SPATA6L: variants seen among roughly 807,000 people sequenced by gnomAD.
SPATA6L encodes the protein spermatogenesis associated 6-like protein.
Under a neutral mutation model 49.2 loss-of-function variants are expected in SPATA6L, and 68 were observed. The observed-to-expected ratio is 1.38, with a 90% CI of 1.14 to 1.69. SPATA6L has a LOEUF of 1.69. Among genes scored for constraint, SPATA6L ranks in the 40% most tolerant of loss-of-function variants. The pLI, the probability that SPATA6L is intolerant of heterozygous loss-of-function variation, is 0.00. For synonymous variants in SPATA6L, 198 were observed against 165.7 expected (o/e 1.19, Z -1.50); for missense variants, 668 against 464.3 (o/e 1.44, Z -4.03).
At chr9:4,618,221 T>C in intron 8 of SPATA6L, 111 bp from the exon 9 acceptor site, 1 of 874,172 alleles carries the variant, frequency 1.1e-6, no homozygotes, top group South Asian at 1.9e-5. Context: ...TGACAGAATA[T>C]TTGCCCCAGG....
chr9:4,627,565 C>A, intron 5 of SPATA6L: 1 of 378,970 alleles, frequency 2.6e-6, no homozygotes, highest in African/African-American at 2.1e-5. Flanking sequence ...TTTGGAGAAG[C>A]TTCACAAACT....
intron 9 of SPATA6L, among the ~76,000 whole-genome samples, chr9:4,607,554 A>T (rs1825604391): frequency 6.6e-6 from 1 of 152,208 alleles, no homozygotes; most frequent in Non-Finnish European, 1.5e-5. Flanking sequence ...AAGCTTCATA[A>T]GTGAAGGAGA....
intron 3 of SPATA6L, among the ~76,000 whole-genome samples, chr9:4,654,547 C>CG (rs1837659572): frequency 6.6e-6 from 1 of 152,192 alleles, no homozygotes; most frequent in African/African-American, 2.4e-5. Context: ...TCTGTACCCC[C>CG]GGGTTTCTTG....
chr9:4,622,369 C>T (rs1829521526), intron 7 of SPATA6L, 39 bp downstream of exon 7: 2 of 1,254,576 alleles, frequency 1.6e-6, no homozygotes, highest in Non-Finnish European at 2.3e-6. Flanking sequence ...CATTTGTTGC[C>T]ATAGGGAAAT....
chr9:4,621,688 A>T (rs1254148385), intron 7 of SPATA6L, among the ~76,000 whole-genome samples: 3 of 152,198 alleles, frequency 2.0e-5, no homozygotes, highest in Admixed American at 6.5e-5. Context: ...GGGTTTCTCT[A>T]TGTTGGTCAG....
At position 4,618,851 on chromosome 9, in the gene SPATA6L, C is replaced by T. The variant is rs766616737; in HGVS notation, c.807+13G>A. 26 of 1,608,832 alleles carry T rather than the reference C, an allele frequency of 1.6e-5. No homozygotes were observed. In the Admixed American group the frequency reaches 3.9e-4, roughly 24 times the overall value. ...GAAGTAAATCATTTTACAAATTCTACTTCTAAAATTACCTTTACGTTAGCT... is the reference window on the plus strand; with the variant it reads ...GAAGTAAATCATTTTACAAATTCTATTTCTAAAATTACCTTTACGTTAGCT... On this transcript the variant is annotated intron_variant, in intron 8 of 11. Transcript: ENST00000682582.
intron 6 of SPATA6L, 189 bp downstream of exon 6, chr9:4,625,138 G>A (rs149561012): frequency 4.7e-6 from 5 of 1,065,420 alleles, no homozygotes; most frequent in African/African-American, 3.2e-5. Context: ...CCTGTATAAG[G>A]TACCTTTCTA....
intron 3 of SPATA6L, among the ~76,000 whole-genome samples, chr9:4,639,259 T>C (rs1054661420): frequency 6.6e-6 from 1 of 152,156 alleles, no homozygotes; most frequent in African/African-American, 2.4e-5. Context: ...CCTAGATGCA[T>C]GATATGATGT....
chr9:4,653,058 T>A (rs73395703), intron 3 of SPATA6L, among the ~76,000 whole-genome samples: 1 of 152,108 alleles, frequency 6.6e-6, no homozygotes, highest in Admixed American at 6.5e-5. Context: ...ACCAAAATAG[T>A]AGTCTTGAAA....
chr9:4,604,138 A>T (rs144046909), intron 11 of SPATA6L, 41 bp downstream of exon 11: 41 of 1,340,668 alleles, frequency 3.1e-5, no homozygotes, highest in Middle Eastern at 3.8e-4. Context: ...AAACCAAGAT[A>T]AGGAGAAGCA....
chr9:4,607,277 T>A (rs1163777776), intron 9 of SPATA6L, among the ~76,000 whole-genome samples: 2 of 151,934 alleles, frequency 1.3e-5, no homozygotes, highest in Non-Finnish European at 2.9e-5. Flanking sequence ...ACATTCAGAT[T>A]CAGGAAATAC....
At chr9:4,606,623 C>A (rs1198102423) in intron 9 of SPATA6L, among the ~76,000 whole-genome samples, 1 of 47,386 alleles carries the variant, frequency 2.1e-5, no homozygotes, top group Non-Finnish European at 4.7e-5. Context: ...GAAAGGACAT[C>A]CACACCAAAA....
At chr9:4,660,869 G>C (rs545188644) in intron 2 of SPATA6L, among the ~76,000 whole-genome samples, 8 of 152,294 alleles carry the variant, frequency 5.3e-5, no homozygotes, top group Admixed American at 1.3e-4. Flanking sequence ...GGATGAGTTC[G>C]TGTCCTTTGT....
At chr9:4,656,832 T>C (rs950987611) in intron 2 of SPATA6L, among the ~76,000 whole-genome samples, 1 of 152,218 alleles carries the variant, frequency 6.6e-6, no homozygotes, top group African/African-American at 2.4e-5. Context: ...AAATGTTAAC[T>C]GAATGAATGG....
intron 3 of SPATA6L, among the ~76,000 whole-genome samples, chr9:4,655,797 C>T (rs577565113): frequency 3.5e-4 from 54 of 152,198 alleles, no homozygotes; most frequent in Admixed American, 9.2e-4. Flanking sequence ...GGGATTCACC[C>T]GCCTCGGCCT....
intron 3 of SPATA6L, among the ~76,000 whole-genome samples, chr9:4,644,183 C>CAAAAAAAAAAAAAA (rs58325546): frequency 2.2e-5 from 1 of 45,668 alleles, no homozygotes; most frequent in African/African-American, 5.8e-5. Flanking sequence ...GCCATCTCTG[C>CAAAAAAAAAAAAAA]AAAAAAAAAA....
chr9:4,639,292 T>C (rs1296999461), intron 3 of SPATA6L, among the ~76,000 whole-genome samples: 2 of 152,192 alleles, frequency 1.3e-5, no homozygotes, highest in African/African-American at 4.8e-5. Flanking sequence ...GCCTTTCCTT[T>C]TTCCTCTTTC....
At chr9:4,658,309 C>T (rs955101518) in intron 2 of SPATA6L, among the ~76,000 whole-genome samples, 4 of 152,236 alleles carry the variant, frequency 2.6e-5, no homozygotes, top group Admixed American at 1.3e-4. Flanking sequence ...TTATGAGTAA[C>T]TTGTTGACCC....
chr9:4,648,582 C>T (rs1269702743), intron 3 of SPATA6L, among the ~76,000 whole-genome samples: 1 of 151,784 alleles, frequency 6.6e-6, no homozygotes, highest in Non-Finnish European at 1.5e-5. Context: ...AGCCTGTGGT[C>T]CCAGCTACGC....
Sources: allele counts gnomAD v4.1 joint callset (sites outside exome capture counted in the v4.1 genomes callset), GRCh38; gene constraint gnomAD v4.1.1; transcripts MANE v1.5; gene names NCBI Gene and HGNC (gene_info 2026-07-23, HGNC 2026-07-21).